PTPRT: variants seen among roughly 807,000 people sequenced by gnomAD.
The protein encoded by PTPRT is receptor-type tyrosine-protein phosphatase T.
Under a neutral mutation model 176.8 loss-of-function variants are expected in PTPRT, and 56 were observed. That is an observed-to-expected ratio of 0.32 (90% CI 0.26 to 0.40). The LOEUF is 0.40. Among genes scored for constraint, PTPRT ranks in the 10% least tolerant of loss-of-function variants. The probability of loss-of-function intolerance (pLI) is 1.00; values close to 1 mark genes in which losing one functional copy is unlikely to be tolerated. For missense variants in PTPRT, 1,540 were observed against 1,908.2 expected (o/e 0.81, Z 3.60); for synonymous variants, 783 against 739.0 (o/e 1.06, Z -0.96).
chr20:42,336,262 T>C (rs1388757831), intron 11 of PTPRT, among the ~76,000 whole-genome samples: 1 of 151,796 alleles, frequency 6.6e-6, no homozygotes, highest in African/African-American at 2.4e-5. Context: ...GGAAGGGAGG[T>C]ATTGGATGAT....
chr20:42,376,000 A>T (rs1285616998), intron 9 of PTPRT, among the ~76,000 whole-genome samples: 2 of 152,202 alleles, frequency 1.3e-5, no homozygotes, highest in Non-Finnish European at 2.9e-5. Context: ...AGATAGCAAA[A>T]TTCTTTGGGA....
At chr20:42,543,351 A>C (rs963358178) in intron 7 of PTPRT, among the ~76,000 whole-genome samples, 1 of 152,218 alleles carries the variant, frequency 6.6e-6, no homozygotes, top group Non-Finnish European at 1.5e-5. Flanking sequence ...TCAATAAAAG[A>C]TTCCATCTCA....
chr20:42,884,225 C>T (rs762071458), intron 2 of PTPRT, among the ~76,000 whole-genome samples: 1 of 152,110 alleles, frequency 6.6e-6, no homozygotes, highest in Non-Finnish European at 1.5e-5. Context: ...GATGACTTTG[C>T]TCATTCAAAG....
At chr20:42,746,922 T>C (rs2076699640) in intron 6 of PTPRT, among the ~76,000 whole-genome samples, 1 of 152,116 alleles carries the variant, frequency 6.6e-6, no homozygotes, top group South Asian at 2.1e-4. Flanking sequence ...GAGGCAAGCC[T>C]TCCTTGAAAA....
chr20:42,647,160 G>T (rs903442043), intron 7 of PTPRT, among the ~76,000 whole-genome samples: 4 of 151,960 alleles, frequency 2.6e-5, no homozygotes, highest in African/African-American at 9.7e-5. Flanking sequence ...GGCCTCCAAT[G>T]TGTTGGGATT....
chr20:42,145,787 C>T (rs1988844012), intron 17 of PTPRT, among the ~76,000 whole-genome samples: 1 of 152,144 alleles, frequency 6.6e-6, no homozygotes, highest in Non-Finnish European at 1.5e-5. Context: ...AAAGTGCCTT[C>T]CTAGCTATTA....
chr20:43,040,898 T>C (rs959152077), intron 1 of PTPRT, among the ~76,000 whole-genome samples: 3 of 152,210 alleles, frequency 2.0e-5, no homozygotes, highest in African/African-American at 4.8e-5. Context: ...AGACTGTCTG[T>C]TGGGAAATAA....
At chr20:42,474,246 T>C (rs1198163919) in intron 7 of PTPRT, among the ~76,000 whole-genome samples, 1 of 152,126 alleles carries the variant, frequency 6.6e-6, no homozygotes, top group Non-Finnish European at 1.5e-5. Context: ...TCCAATCCCC[T>C]CAGAGCATTT....
At chr20:42,595,111 C>A (rs1198673505) in intron 7 of PTPRT, among the ~76,000 whole-genome samples, 1 of 152,046 alleles carries the variant, frequency 6.6e-6, no homozygotes, top group Non-Finnish European at 1.5e-5. Context: ...ATCGCAGAGG[C>A]CAAACTGTAC....
At chr20:43,014,019 A>G (rs150388734) in intron 1 of PTPRT, among the ~76,000 whole-genome samples, 1 of 152,236 alleles carries the variant, frequency 6.6e-6, no homozygotes, top group Non-Finnish European at 1.5e-5. Flanking sequence ...TACTCAACAC[A>G]TACTAGGTAT....
intron 7 of PTPRT, among the ~76,000 whole-genome samples, chr20:42,539,328 T>C (rs965397546): frequency 6.6e-6 from 1 of 151,922 alleles, no homozygotes. Flanking sequence ...GTTTCTGATC[T>C]TGGTGAATTA....
rs11482189 is a variant in PTPRT at position 43,016,552 on chromosome 20, C to CTTTTTTTTTTTTTT, written c.89-130634_89-130621dup. On this transcript the variant is annotated intron_variant, in intron 1 of 30. Coordinates refer to ENST00000373187, the MANE Select transcript of PTPRT (RefSeq NM_007050.6). ...CATTTCTCTAACTGCTCTAAGGCCACTTTTTTTTTTTTTTTTTTTTTTTTT... is the reference window on the plus strand; with the variant it reads ...CATTTCTCTAACTGCTCTAAGGCCACTTTTTTTTTTTTTTTTTTTTTTTTTTTTTTTTTTTTTTT... 1.7e-3 allele frequency among the ~76,000 whole-genome samples: 130 copies of CTTTTTTTTTTTTTT among 76,236 alleles called. 20 individuals are homozygous for CTTTTTTTTTTTTTT. Among genetic ancestry groups the CTTTTTTTTTTTTTT allele is most frequent in the African/African-American group, 8.8e-3 (126 of 14,284 alleles). 50.0% of individuals were successfully genotyped at this position (76,236 alleles called of 152,430 possible). A position where few individuals can be genotyped will look rare whatever the true frequency, so the allele number is the denominator to read the frequency against.
chr20:42,740,498 C>T (rs1197087485), intron 6 of PTPRT, among the ~76,000 whole-genome samples: 3 of 152,186 alleles, frequency 2.0e-5, no homozygotes, highest in Non-Finnish European at 2.9e-5. Flanking sequence ...TGTCAATGAC[C>T]GCACAGTTTT....
chr20:42,614,903 C>T (rs1234013818), intron 7 of PTPRT, among the ~76,000 whole-genome samples: 6 of 148,874 alleles, frequency 4.0e-5, no homozygotes, highest in Admixed American at 4.0e-4. Context: ...GAGGAACTCT[C>T]GGTTTTTTTT....
At chr20:42,648,087 TC>T (rs1442033675) in intron 7 of PTPRT, among the ~76,000 whole-genome samples, 3 of 146,452 alleles carry the variant, frequency 2.0e-5, no homozygotes, top group Non-Finnish European at 4.6e-5. Flanking sequence ...GGGAAACGGC[TC>T]CCCTGAGGTT....
chr20:42,688,602 A>T (rs963920873), intron 6 of PTPRT: 1 of 152,214 alleles, frequency 6.6e-6, no homozygotes, highest in Non-Finnish European at 1.5e-5. Context: ...ACTGTGATTT[A>T]TATCAATAGG....
At chr20:43,071,296 C>A (rs1436631893) in intron 1 of PTPRT, among the ~76,000 whole-genome samples, 1 of 152,226 alleles carries the variant, frequency 6.6e-6, no homozygotes, top group Non-Finnish European at 1.5e-5. Flanking sequence ...ATATGCAAAT[C>A]TCAAGCCCCA....
intron 23 of PTPRT, among the ~76,000 whole-genome samples, chr20:42,108,332 TATTA>T (rs891639607): frequency 6.6e-6 from 1 of 152,184 alleles, no homozygotes; most frequent in African/African-American, 2.4e-5. Context: ...CTCTATTACT[TATTA>T]GCTGCATGAC....
At chr20:42,951,337 G>GTGGATGGATGGGCAT in intron 1 of PTPRT, among the ~76,000 whole-genome samples, 1 of 151,518 alleles carries the variant, frequency 6.6e-6, no homozygotes, top group Non-Finnish European at 1.5e-5. Context: ...TGGATGGGCA[G>GTGGATGGATGGGCAT]ATGAATGGGC....
Sources: gnomAD v4.1 joint callset for allele counts (sites outside exome capture counted in the v4.1 genomes callset) on GRCh38, gnomAD v4.1.1 for gene constraint, MANE v1.5 for transcripts, NCBI Gene and HGNC (gene_info 2026-07-23, HGNC 2026-07-21) for gene names.